BRD2: variants seen among roughly 807,000 people sequenced by gnomAD.
The protein encoded by BRD2 is bromodomain containing 2.
A neutral mutation model predicts 79.1 loss-of-function variants in BRD2; 15 were observed. That is an observed-to-expected ratio of 0.19 (90% confidence interval 0.13 to 0.29). The LOEUF (loss-of-function observed/expected upper bound fraction) is 0.29. Ranked by LOEUF, BRD2 falls within the 10% of genes least tolerant of loss-of-function variation. The probability of loss-of-function intolerance (pLI) is 1.00; values close to 1 mark genes in which losing one functional copy is unlikely to be tolerated. For synonymous variants in BRD2, 488 were observed against 358.6 expected, an observed-to-expected ratio of 1.36 and a Z score of -4.08; for missense variants, 1,053 against 991.3, an observed-to-expected ratio of 1.06 and a Z score of -0.84.
intron 10 of BRD2, 137 bp from the exon 11 acceptor site, chr6:32,979,691 A>G (rs1779278130): frequency 2.2e-5 from 22 of 997,692 alleles, no homozygotes; most frequent in Non-Finnish European, 2.9e-5. Context: ...CCAGTAGCCC[A>G]CCTCTTACTT....
In BRD2 at chr6:32,980,799, T is replaced by C. The variant is rs937461550; in HGVS notation, c.*81T>C. 4.6e-6 allele frequency: 7 copies of C among 1,530,748 alleles called. No homozygotes were observed. Among genetic ancestry groups the C allele is most frequent in the Non-Finnish European group, 1.8e-6 (2 of 1,116,660 alleles). The allele number at this position is 1,530,748 out of a possible 1,614,324, so 94.8% of individuals were successfully genotyped here. A position where few individuals can be genotyped will look rare whatever the true frequency, so the allele number is the denominator to read the frequency against. Reference sequence around the variant, plus strand: ...CTGCCCCACCTGCCCCTTCCCCCTTTGCTGTGACACTTCTTCATCTCACCC... The same window carrying C: ...CTGCCCCACCTGCCCCTTCCCCCTTCGCTGTGACACTTCTTCATCTCACCC... On this transcript the variant is annotated 3_prime_UTR_variant, in exon 13 of 13. Transcript: ENST00000374825.
At chr6:32,973,141 A>T (rs1203441856) in intron 2 of BRD2, 15 of 1,548,950 alleles carry the variant, frequency 9.7e-6, no homozygotes, top group Non-Finnish European at 1.3e-5. Flanking sequence ...TTGTCAATTT[A>T]TACGCTATTA....
At chr6:32,979,606 G>C in intron 10 of BRD2, 1 of 569,744 alleles carries the variant, frequency 1.8e-6, no homozygotes, top group South Asian at 2.4e-5. Flanking sequence ...AGGTATGTAC[G>C]TACATTGTCT....
At position 32,980,802 on chromosome 6, in the gene BRD2, T is replaced by C; in HGVS notation, c.*84T>C. On this transcript the variant is annotated 3_prime_UTR_variant, in exon 13 of 13. Coordinates refer to ENST00000374825, the MANE Select transcript of BRD2 (RefSeq NM_005104.4). ...CCCCACCTGCCCCTTCCCCCTTTGC[T>C]GTGACACTTCTTCATCTCACCCCCC... 8 of 1,521,002 alleles carry C rather than the reference T, an allele frequency of 5.3e-6. No individual in the cohort carries two copies. Among genetic ancestry groups the C allele is most frequent in the Non-Finnish European group, 7.2e-6 (8 of 1,109,266 alleles). The allele number at this position is 1,521,002 out of a possible 1,614,324, so 94.2% of individuals were successfully genotyped here.
intron 7 of BRD2, 48 bp from the exon 8 acceptor site, chr6:32,977,394 G>A (rs1252063633): frequency 2.5e-6 from 4 of 1,612,940 alleles, no homozygotes; most frequent in East Asian, 4.5e-5. Flanking sequence ...GGCAGGGAAA[G>A]GTGAGTCTTC....
intron 1 of BRD2, chr6:32,969,490 C>T (rs1366213154): frequency 1.2e-5 from 7 of 593,294 alleles, no homozygotes; most frequent in South Asian, 7.6e-5. Context: ...TGTTCCCAGG[C>T]GCCAACTTCC....
intron 7 of BRD2, 162 bp downstream of exon 7, chr6:32,977,098 A>G (rs1414677923): frequency 2.4e-6 from 3 of 1,257,674 alleles, no homozygotes; most frequent in African/African-American, 1.5e-5. Context: ...GAGAATTTGT[A>G]TTTCTTGGAG....
At chr6:32,969,249 G>A (rs1371221120) in intron 1 of BRD2, 193 bp downstream of exon 1, 4 of 639,486 alleles carry the variant, frequency 6.3e-6, no homozygotes, top group Non-Finnish European at 1.2e-5. Context: ...GAGGGGAATG[G>A]CCAGCCTCAT....
intron 1 of BRD2, 68 bp from the exon 2 acceptor site, chr6:32,971,527 G>A (rs953695255): frequency 4.6e-6 from 2 of 438,436 alleles, no homozygotes; most frequent in East Asian, 7.0e-5. Flanking sequence ...CCGTTCTGAA[G>A]CCCGTAGCTG....
intron 2 of BRD2, 53 bp downstream of exon 2, chr6:32,972,980 A>G: frequency 1.2e-6 from 2 of 1,613,732 alleles, no homozygotes; most frequent in Non-Finnish European, 8.5e-7. Flanking sequence ...GCGGCGGCAC[A>G]GGGGTGTGGG....
At chr6:32,974,271 TTAA>T (rs984591153) in intron 2 of BRD2, among the ~76,000 whole-genome samples, 188 bp from the exon 3 acceptor site, 2 of 152,184 alleles carry the variant, frequency 1.3e-5, no homozygotes, top group Admixed American at 6.5e-5. Context: ...ACTAAAAATA[TTAA>T]TAAAAGGAAG....
chr6:32,980,303 G>A (rs1267079360), intron 11 of BRD2, 39 bp from the exon 12 acceptor site: 2 of 1,609,098 alleles, frequency 1.2e-6, no homozygotes, highest in African/African-American at 1.3e-5. Flanking sequence ...AAGATGCTTG[G>A]GGCAATCTTA....
At position 32,980,112 on chromosome 6, in the gene BRD2, A is replaced by G; in HGVS notation, c.2126A>G (p.Lys709Arg). 6.2e-7 allele frequency: 1 copy of G among 1,612,238 alleles called. No individual in the cohort carries two copies. Among genetic ancestry groups the G allele is most frequent in the Non-Finnish European group, 8.5e-7 (1 of 1,179,870 alleles). ...CGCTATGTCCTTTCCTGCCTACGTA[A>G]GAAACCCCGGAAGCCCTACAGTACG... Reference protein sequence around the residue: ...LERYVLSCLRKKPRKPYTIKK... With the variant: ...LERYVLSCLRRKPRKPYTIKK... The change falls in exon 11 of 13, where the codon AAG becomes AGG. Residue 709 changes from lysine (K) to arginine (R), a missense_variant. Coordinates refer to ENST00000374825, the MANE Select transcript of BRD2 (RefSeq NM_005104.4).
At chr6:32,974,387 T>C in intron 2 of BRD2, 75 bp from the exon 3 acceptor site, 1 of 1,450,680 alleles carries the variant, frequency 6.9e-7, no homozygotes, top group East Asian at 2.3e-5. Context: ...GCACCTGGAT[T>C]CATCAGACTA....
At chr6:32,975,334 C>A in intron 3 of BRD2, 50 bp from the exon 4 acceptor site, 2 of 1,479,310 alleles carry the variant, frequency 1.4e-6, no homozygotes, top group Non-Finnish European at 1.9e-6. Context: ...GGTAGTCTCC[C>A]TATAAGCATT....
chr6:32,972,750 G>A lies in BRD2; in HGVS notation c.-149G>A. 8.1e-7 allele frequency: 1 copy of A among 1,229,550 alleles called. No individual in the cohort carries two copies. Among genetic ancestry groups the A allele is most frequent in the Non-Finnish European group, 1.2e-6 (1 of 859,284 alleles). 76.2% of individuals were successfully genotyped at this position (1,229,550 alleles called of 1,614,324 possible). ...GAGGCCCCAAAGAGACTGCTTTCGT[G>A]CCGGCCAGGCAGGGGGTTTGTCGCC... is the stretch of plus-strand genomic sequence containing the variant. On this transcript the variant is annotated 5_prime_UTR_variant, in exon 2 of 13. Transcript: ENST00000374825.
chr6:32,981,093 G>A lies in BRD2; in HGVS notation c.*375G>A, dbSNP rs1779489028. On this transcript the variant is annotated 3_prime_UTR_variant, in exon 13 of 13. Transcript: ENST00000374825. The stretch of plus-strand genomic sequence containing the variant: ...TTTGTTCTAATTTATTTTAAGCTAG[G>A]TAAGGCTGGGGGGAGGGTGGGGCCG... 1 of 182,170 alleles carries A rather than the reference G, an allele frequency of 5.5e-6. No individual in the cohort carries two copies. Among genetic ancestry groups the A allele is most frequent in the African/African-American group, 2.3e-5 (1 of 42,602 alleles). The allele number at this position is 182,170 out of a possible 1,614,324, so 11.3% of individuals were successfully genotyped here.
rs1172889106 is a variant in BRD2, at chr6:32,971,617, C to T, written c.-1282C>T. ...CAGATTCTTCGCTGCTGCTGCCTTA[C>T]CGCCGAGAACCACCACCCGCCAGGC... On this transcript the variant is annotated 5_prime_UTR_variant, in exon 2 of 13. Transcript: ENST00000374825. 1 of 449,144 alleles carries T rather than the reference C, an allele frequency of 2.2e-6. No individual in the cohort carries two copies. The highest frequency in any genetic ancestry group is 3.5e-5 in the East Asian group (1 of 28,458). The allele number at this position is 449,144 out of a possible 1,614,324, so 27.8% of individuals were successfully genotyped here.
Position 32,975,504 on chromosome 6 carries a change from T to A in BRD2, c.454T>A (p.Cys152Ser). 1 of 1,612,106 alleles carries A rather than the reference T, an allele frequency of 6.2e-7. No individual in the cohort carries two copies. The highest frequency in any genetic ancestry group is 8.5e-7 in the Non-Finnish European group (1 of 1,179,692). The change falls in exon 4 of 13, where the codon TGT (cysteine) becomes AGT (serine). Residue 152 changes from cysteine (C) to serine (S), a missense_variant. Physicochemically the swap from Cys to Ser is moderately radical, Grantham distance 112. Transcript: ENST00000374825. ...MQDFNTMFTN[C>S]YIYNKPTDDI... ...AGATTTTAATACCATGTTCACCAAC[T>A]GTTACATTTACAACAAGGTGAGTTT...
Sources: allele counts gnomAD v4.1 joint callset (sites outside exome capture counted in the v4.1 genomes callset), GRCh38; gene constraint gnomAD v4.1.1; transcripts MANE v1.5; gene names NCBI Gene and HGNC (gene_info 2026-07-23, HGNC 2026-07-21).